The following GLIS3 variants were observed in gnomAD, a reference collection of about 807,000 sequenced individuals.
The protein encoded by GLIS3 is zinc finger protein GLIS3.
Under a neutral mutation model 78.6 loss-of-function variants are expected in GLIS3, and 53 were observed. The ratio of observed to expected loss-of-function variants is 0.67; its 90% CI spans 0.54 to 0.85. The LOEUF (loss-of-function observed/expected upper bound fraction) is 0.85, where lower values mean the gene tolerates loss of function less well. Ranked by LOEUF, GLIS3 falls within the 40% of genes least tolerant of loss-of-function variation. The probability of loss-of-function intolerance (pLI) is 0.00; values close to 1 mark genes in which losing one functional copy is unlikely to be tolerated. For synonymous variants in GLIS3, 684 were observed against 509.9 expected (o/e 1.34, Z -4.60); for missense variants, 1,703 against 1,231.1 (o/e 1.38, Z -5.74).
intron 4 of GLIS3, among the ~76,000 whole-genome samples, chr9:3,953,584 T>C (rs1165284628): frequency 6.6e-6 from 1 of 152,222 alleles, no homozygotes. Flanking sequence ...ATCTGAATAT[T>C]TCTTTGTACA....
At chr9:4,091,270 G>A (rs117490570) in intron 4 of GLIS3, among the ~76,000 whole-genome samples, 1,690 of 152,162 alleles carry the variant, frequency 0.011, 23 homozygotes, top group Non-Finnish European at 0.014. Flanking sequence ...GGGGGTCTGA[G>A]GTGGGAGGAT....
intron 2 of GLIS3, among the ~76,000 whole-genome samples, chr9:4,270,050 C>T (rs1182216441): frequency 6.6e-6 from 1 of 152,224 alleles, no homozygotes; most frequent in Non-Finnish European, 1.5e-5. Flanking sequence ...GACAGACGTG[C>T]ATTCCCACCC....
intron 2 of GLIS3, among the ~76,000 whole-genome samples, chr9:4,216,277 C>T (rs903099525): frequency 1.3e-5 from 2 of 151,838 alleles, no homozygotes; most frequent in Non-Finnish European, 2.9e-5. Flanking sequence ...TCGAGACCAT[C>T]CTGGCTAACA....
intron 4 of GLIS3, among the ~76,000 whole-genome samples, chr9:4,016,248 G>C (rs909002777): frequency 1.3e-5 from 2 of 152,110 alleles, no homozygotes; most frequent in Non-Finnish European, 2.9e-5. Flanking sequence ...CTCATAAAAA[G>C]CCTTGGACAT....
chr9:3,846,851 G>A (rs1266463431), intron 9 of GLIS3, among the ~76,000 whole-genome samples: 1 of 152,138 alleles, frequency 6.6e-6, no homozygotes, highest in Non-Finnish European at 1.5e-5. Context: ...TTTCCTCTGG[G>A]AAGAGGTCTC....
intron 8 of GLIS3, among the ~76,000 whole-genome samples, chr9:3,859,248 A>G (rs1221281762): frequency 6.6e-6 from 1 of 152,134 alleles, no homozygotes; most frequent in African/African-American, 2.4e-5. Flanking sequence ...GATGCTCACT[A>G]AGCAAAAATA....
intron 4 of GLIS3, among the ~76,000 whole-genome samples, chr9:3,946,963 C>A (rs1257505508): frequency 1.3e-5 from 2 of 151,798 alleles, no homozygotes; most frequent in Non-Finnish European, 2.9e-5. Flanking sequence ...GCAGGTCAAG[C>A]AGTTTCCCAC....
chr9:4,455,114 T>C, the GLIS3 span, among the ~76,000 whole-genome samples: 3 of 152,292 alleles, frequency 2.0e-5, no homozygotes, highest in Middle Eastern at 3.4e-3. Flanking sequence ...CATCCTAAAA[T>C]AGCAATATAA....
the GLIS3 span, among the ~76,000 whole-genome samples, chr9:4,485,230 T>G: frequency 1.3e-5 from 2 of 151,790 alleles, no homozygotes; most frequent in Non-Finnish European, 2.9e-5. Context: ...GGCCAGGCTG[T>G]TCTTAAACTC....
intron 2 of GLIS3, among the ~76,000 whole-genome samples, chr9:4,194,720 G>C (rs547367066): frequency 2.0e-5 from 3 of 152,308 alleles, no homozygotes; most frequent in East Asian, 3.9e-4. Flanking sequence ...CAGTACCTGA[G>C]AGAGGGAGGG....
At chr9:4,040,772 G>A (rs1418474638) in intron 4 of GLIS3, among the ~76,000 whole-genome samples, 3 of 152,174 alleles carry the variant, frequency 2.0e-5, no homozygotes, top group Non-Finnish European at 4.4e-5. Flanking sequence ...TCAGTAGATC[G>A]TTCTACCACA....
intron 4 of GLIS3, 145 bp downstream of exon 4, chr9:4,117,623 T>G: frequency 1.1e-6 from 1 of 884,610 alleles, no homozygotes; most frequent in Admixed American, 1.8e-5. Context: ...ATCTTCCCCT[T>G]CCTCAAGCTG....
Position 3,856,039 on chromosome 9 carries a change from A to C in GLIS3, c.2443T>G (p.Ser815Ala). Reference sequence around the variant, plus strand: ...ACATGGATACCATTTGGTTGAAAAGAAGAGTTTGTTTCTGGCTGATAGGAC... The same window carrying C: ...ACATGGATACCATTTGGTTGAAAAGCAGAGTTTGTTTCTGGCTGATAGGAC... ...LKSYQPETNS[S>A]FQPNGIHVHG... The change falls in exon 9 of 11, where the codon TCT (serine) becomes GCT (alanine). Residue 815 changes from serine to alanine, a missense_variant. Ser to Ala is a moderately conservative substitution (Grantham distance 99, BLOSUM62 1). Coordinates refer to ENST00000381971, the MANE Select transcript of GLIS3 (RefSeq NM_001042413.2). The C allele has an allele frequency of 6.2e-7, 1 of 1,614,176 alleles. No homozygotes were observed. Among genetic ancestry groups the C allele is most frequent in the Non-Finnish European group, 8.5e-7 (1 of 1,179,992 alleles).
the GLIS3 span, among the ~76,000 whole-genome samples, chr9:4,483,912 G>A: frequency 0.23 from 34,842 of 151,930 alleles, 4,429 homozygotes; most frequent in African/African-American, 0.34. Context: ...GATTCTTCCA[G>A]CAGCCTCATG....
At chr9:3,907,404 G>C (rs1017150244) in intron 6 of GLIS3, among the ~76,000 whole-genome samples, 1 of 152,116 alleles carries the variant, frequency 6.6e-6, no homozygotes, top group Admixed American at 6.5e-5. Flanking sequence ...TAGACAACGT[G>C]ATCCTTTCGT....
the GLIS3 span, among the ~76,000 whole-genome samples, chr9:4,379,208 C>T: frequency 2.0e-5 from 3 of 152,152 alleles, no homozygotes; most frequent in Non-Finnish European, 4.4e-5. Context: ...GTCACCACTG[C>T]ACTCTCTCCC....
intron 2 of GLIS3, among the ~76,000 whole-genome samples, chr9:4,226,506 C>G (rs994719835): frequency 2.0e-5 from 3 of 152,136 alleles, no homozygotes; most frequent in African/African-American, 7.2e-5. Flanking sequence ...AACTCCGCCT[C>G]ACAGAAACAA....
the GLIS3 span, among the ~76,000 whole-genome samples, chr9:4,406,445 C>A: frequency 4.6e-5 from 7 of 152,144 alleles, no homozygotes; most frequent in African/African-American, 1.7e-4. Context: ...CTCAGCCTTC[C>A]AAGTAGCTGG....
the GLIS3 span, among the ~76,000 whole-genome samples, chr9:4,379,212 C>A: frequency 6.6e-6 from 1 of 152,146 alleles, no homozygotes; most frequent in Non-Finnish European, 1.5e-5. Flanking sequence ...CCACTGCACT[C>A]TCTCCCCTCT....
Sources: gnomAD v4.1 joint callset for allele counts (sites outside exome capture counted in the v4.1 genomes callset) on GRCh38, gnomAD v4.1.1 for gene constraint, MANE v1.5 for transcripts, NCBI Gene and HGNC (gene_info 2026-07-23, HGNC 2026-07-21) for gene names.